The following RERE variants were observed in gnomAD, a reference collection of about 807,000 sequenced individuals.
RERE encodes arginine-glutamic acid dipeptide repeats.
In RERE, 40 loss-of-function variants were observed where a neutral mutation model predicts 146.1. The observed-to-expected ratio is 0.27, with a 90% confidence interval of 0.21 to 0.36. The LOEUF (loss-of-function observed/expected upper bound fraction) is 0.36. Ranked by LOEUF, RERE falls within the 10% of genes least tolerant of loss-of-function variation. RERE has a pLI of 1.00. For synonymous variants in RERE, 1,003 were observed against 866.0 expected (o/e 1.16, Z -2.78); for missense variants, 1,933 against 2,138.7 (o/e 0.90, Z 1.90).
chr1:8,570,635 A>T (rs763820878), intron 4 of RERE, among the ~76,000 whole-genome samples: 13 of 152,186 alleles, frequency 8.5e-5, no homozygotes, highest in Non-Finnish European at 1.6e-4. Context: ...TGAGAGAATG[A>T]CAGTGAAAAA....
At chr1:8,468,780 C>G (rs902627389) in intron 10 of RERE, among the ~76,000 whole-genome samples, 1 of 151,880 alleles carries the variant, frequency 6.6e-6, no homozygotes, top group African/African-American at 2.4e-5. Context: ...AGCTGCAGTC[C>G]CAGCTACTCA....
At chr1:8,751,700 C>G (rs1310845749) in intron 1 of RERE, among the ~76,000 whole-genome samples, 1 of 151,820 alleles carries the variant, frequency 6.6e-6, no homozygotes, top group African/African-American at 2.4e-5. Flanking sequence ...TACAGACGTC[C>G]TCAGAGAAGC....
chr1:8,710,619 T>C (rs1277062969), intron 1 of RERE, among the ~76,000 whole-genome samples: 2 of 152,150 alleles, frequency 1.3e-5, no homozygotes, highest in African/African-American at 2.4e-5. Flanking sequence ...CCCAGGTTGA[T>C]GCCATTCTCC....
rs533717495 is a variant in RERE at position 8,809,296 on chromosome 1, A to G, written c.-145+7864T>C. 2.6e-3 allele frequency among the ~76,000 whole-genome samples: 389 copies of G among 152,316 alleles called. 3 individuals are homozygous for G. Among genetic ancestry groups the G allele is most frequent in the African/African-American group, 8.9e-3 (369 of 41,572 alleles). On this transcript the variant is annotated intron_variant, in intron 1 of 22. Coordinates refer to ENST00000400908, the MANE Select transcript of RERE (RefSeq NM_001042681.2). ...TTATAGATATACAACATATATTACA[A>G]ACCAAAATACATAATGATTATCCCT...
intron 1 of RERE, chr1:8,786,355 G>C (rs1274022367): frequency 1.2e-6 from 1 of 847,500 alleles, no homozygotes; most frequent in Non-Finnish European, 2.0e-6. Context: ...TTTTCCAACA[G>C]TATAGATGTC....
intron 12 of RERE, among the ~76,000 whole-genome samples, chr1:8,405,596 C>T (rs372903200): frequency 6.6e-6 from 1 of 152,158 alleles, no homozygotes; most frequent in Non-Finnish European, 1.5e-5. Context: ...AGAATATGGG[C>T]CAAAACGTTA....
chr1:8,395,059 T>C (rs1478154195), intron 12 of RERE, among the ~76,000 whole-genome samples: 1 of 152,206 alleles, frequency 6.6e-6, no homozygotes, highest in African/African-American at 2.4e-5. Context: ...TGAGGGAAGT[T>C]TGTTACTAAA....
intron 12 of RERE, among the ~76,000 whole-genome samples, chr1:8,418,466 T>C (rs764866188): frequency 1.3e-5 from 2 of 152,144 alleles, no homozygotes; most frequent in South Asian, 2.1e-4. Context: ...CCAATCTTAG[T>C]TGCACCAGAG....
intron 12 of RERE, among the ~76,000 whole-genome samples, chr1:8,416,726 C>A (rs1032812361): frequency 2.0e-5 from 3 of 151,986 alleles, no homozygotes; most frequent in Admixed American, 6.6e-5. Context: ...TGAAACTTTA[C>A]AATTTTAACA....
intron 1 of RERE, among the ~76,000 whole-genome samples, chr1:8,762,621 C>A (rs910461057): frequency 2.0e-5 from 3 of 152,092 alleles, no homozygotes; most frequent in Non-Finnish European, 4.4e-5. Flanking sequence ...TCACTGAGGC[C>A]AGGAACATTT....
intron 11 of RERE, among the ~76,000 whole-genome samples, chr1:8,458,691 C>T (rs549747063): frequency 5.3e-5 from 8 of 152,082 alleles, no homozygotes; most frequent in African/African-American, 7.2e-5. Context: ...AAAAAAGTAC[C>T]GGTTAAAGAC....
At chr1:8,408,326 G>C (rs1470405147) in intron 12 of RERE, among the ~76,000 whole-genome samples, 1 of 152,148 alleles carries the variant, frequency 6.6e-6, no homozygotes, top group Non-Finnish European at 1.5e-5. Context: ...CATCCCACAG[G>C]CTGGCCAAGA....
chr1:8,774,724 GAATT>G (rs78824544), intron 1 of RERE, among the ~76,000 whole-genome samples: 80,290 of 151,054 alleles, frequency 0.53, 21,884 homozygotes, highest in East Asian at 0.82. Context: ...AATCAAACAA[GAATT>G]AATAGTCTAT....
chr1:8,461,937 T>C (rs1177370980), intron 11 of RERE, among the ~76,000 whole-genome samples: 2 of 152,100 alleles, frequency 1.3e-5, no homozygotes, highest in African/African-American at 4.8e-5. Flanking sequence ...CTCTAACCCC[T>C]GGACTCAAGC....
chr1:8,705,443 C>G (rs1639539148), intron 1 of RERE, among the ~76,000 whole-genome samples: 2 of 152,146 alleles, frequency 1.3e-5, no homozygotes, highest in African/African-American at 4.8e-5. Flanking sequence ...ACTCACAGAC[C>G]GTTTAAAGCC....
At chr1:8,791,041 A>G (rs1641354950) in intron 1 of RERE, among the ~76,000 whole-genome samples, 1 of 152,210 alleles carries the variant, frequency 6.6e-6, no homozygotes, top group Non-Finnish European at 1.5e-5. Flanking sequence ...AAATATTCTT[A>G]AAAGACAACA....
Position 8,470,882 on chromosome 1 carries a change from A to C in RERE, c.1105-4859T>G, listed in dbSNP as rs113711746. On this transcript the variant is annotated intron_variant, in intron 10 of 22. Coordinates refer to ENST00000400908, the MANE Select transcript of RERE (RefSeq NM_001042681.2). ...TCACCAGGCTGGAGTGCAGTGGCACAATTTCAGCTCACTGAAACCTCCACC... is the reference window on the plus strand; with the variant it reads ...TCACCAGGCTGGAGTGCAGTGGCACCATTTCAGCTCACTGAAACCTCCACC... Among the ~76,000 whole-genome samples the C allele has an allele frequency of 8.5e-3, 1,041 of 123,162 alleles. 12 individuals are homozygous for C. The highest frequency in any genetic ancestry group is 0.03 in the African/African-American group (983 of 32,668). 80.8% of individuals were successfully genotyped at this position (123,162 alleles called of 152,430 possible).
chr1:8,516,437 A>C (rs1375910545), intron 7 of RERE, among the ~76,000 whole-genome samples: 1 of 152,078 alleles, frequency 6.6e-6, no homozygotes, highest in Non-Finnish European at 1.5e-5. Context: ...TAATATATCC[A>C]TTGAACATTT....
intron 12 of RERE, among the ~76,000 whole-genome samples, chr1:8,408,355 A>G (rs1643513275): frequency 6.6e-6 from 1 of 152,194 alleles, no homozygotes; most frequent in Non-Finnish European, 1.5e-5. Flanking sequence ...TTTTCATTAC[A>G]ACTTTCAAAG....
Sources: gnomAD v4.1 joint callset for allele counts (sites outside exome capture counted in the v4.1 genomes callset) on GRCh38, gnomAD v4.1.1 for gene constraint, MANE v1.5 for transcripts, NCBI Gene and HGNC (gene_info 2026-07-23, HGNC 2026-07-21) for gene names.